The following SNTB1 variants were observed in gnomAD, a reference collection of about 807,000 sequenced individuals.
The protein encoded by SNTB1 is syntrophin beta 1.
A neutral mutation model predicts 48.9 loss-of-function variants in SNTB1; 36 were observed. That is an observed-to-expected ratio of 0.74 (90% CI 0.56 to 0.97). SNTB1 has a LOEUF of 0.97. Among genes scored for constraint, SNTB1 ranks in the 50% least tolerant of loss-of-function variants. The pLI is 0.00. For missense variants in SNTB1, 786 were observed against 703.4 expected (o/e 1.12, Z -1.33); for synonymous variants, 299 against 294.6 (o/e 1.01, Z -0.15).
chr8:120,704,874 A>T (rs1367885937), intron 1 of SNTB1, among the ~76,000 whole-genome samples: 1 of 152,238 alleles, frequency 6.6e-6, no homozygotes, highest in African/African-American at 2.4e-5. Context: ...AAATCTCTGT[A>T]ACATGTAGGA....
chr8:120,548,419 G>C (rs117836396), intron 5 of SNTB1, among the ~76,000 whole-genome samples: 2 of 152,000 alleles, frequency 1.3e-5, no homozygotes, highest in African/African-American at 2.4e-5. Context: ...TAGATTACTC[G>C]GAATCAGTTT....
At chr8:120,781,724 G>A (rs1819832917) in intron 1 of SNTB1, among the ~76,000 whole-genome samples, 2 of 152,166 alleles carry the variant, frequency 1.3e-5, no homozygotes, top group South Asian at 4.1e-4. Flanking sequence ...GGAATTTTCA[G>A]ATGATTCTAT....
chr8:120,719,909 G>A (rs570869930), intron 1 of SNTB1, among the ~76,000 whole-genome samples: 39 of 152,260 alleles, frequency 2.6e-4, no homozygotes, highest in African/African-American at 7.5e-4. Context: ...CATGAATGGC[G>A]GGCAAGGCTC....
chr8:120,668,090 T>C lies in SNTB1; in HGVS notation c.788+25602A>G, dbSNP rs935035306. 3.3e-5 allele frequency among the ~76,000 whole-genome samples: 5 copies of C among 152,338 alleles called. No individual in the cohort carries two copies. In the East Asian group the frequency reaches 9.6e-4, roughly 29 times the overall value. ...ACCCTTTTCAAAATCTCCAGGATTC[T>C]CTGTGTAGTTCTCTCCTTACTGGTA... On this transcript the variant is annotated intron_variant, in intron 2 of 6. Coordinates refer to ENST00000517992, the MANE Select transcript of SNTB1 (RefSeq NM_021021.4).
At chr8:120,656,688 C>A (rs1817508684) in intron 2 of SNTB1, among the ~76,000 whole-genome samples, 1 of 152,182 alleles carries the variant, frequency 6.6e-6, no homozygotes, top group Admixed American at 6.5e-5. Flanking sequence ...CATTTAGAGT[C>A]TGAGGGCCTA....
At chr8:120,553,141 T>C (rs970052368) in intron 4 of SNTB1, among the ~76,000 whole-genome samples, 1 of 152,236 alleles carries the variant, frequency 6.6e-6, no homozygotes, top group African/African-American at 2.4e-5. Context: ...GGCCTGGGTC[T>C]TGGGGACTCC....
At chr8:120,678,546 A>G (rs946760216) in intron 2 of SNTB1, among the ~76,000 whole-genome samples, 1 of 152,218 alleles carries the variant, frequency 6.6e-6, no homozygotes, top group African/African-American at 2.4e-5. Context: ...TATCCAGCTC[A>G]TATCACAGTG....
intron 1 of SNTB1, among the ~76,000 whole-genome samples, chr8:120,740,306 C>T (rs1465170230): frequency 1.3e-5 from 2 of 152,214 alleles, no homozygotes; most frequent in East Asian, 3.8e-4. Flanking sequence ...CCTCCATCAC[C>T]TTGGCATCTT....
At chr8:120,569,755 C>G (rs918494067) in intron 4 of SNTB1, among the ~76,000 whole-genome samples, 1 of 152,220 alleles carries the variant, frequency 6.6e-6, no homozygotes, top group East Asian at 1.9e-4. Context: ...ATGGTAGTCA[C>G]TAGCCACAGG....
At chr8:120,646,600 C>T (rs1396375584) in intron 2 of SNTB1, among the ~76,000 whole-genome samples, 1 of 151,902 alleles carries the variant, frequency 6.6e-6, no homozygotes, top group African/African-American at 2.4e-5. Flanking sequence ...CATTAATGTT[C>T]ATCAAGGATA....
chr8:120,601,058 G>T (rs1554647070), intron 3 of SNTB1, among the ~76,000 whole-genome samples: 3 of 152,216 alleles, frequency 2.0e-5, no homozygotes, highest in Non-Finnish European at 4.4e-5. Flanking sequence ...AGACAAAGAG[G>T]AAGGCAAGGC....
chr8:120,734,670 G>T (rs2129986557), intron 1 of SNTB1, among the ~76,000 whole-genome samples: 1 of 152,228 alleles, frequency 6.6e-6, no homozygotes, highest in East Asian at 1.9e-4. Context: ...TCAATCTAGG[G>T]TTTACCCCAG....
intron 4 of SNTB1, among the ~76,000 whole-genome samples, chr8:120,549,354 T>TC (rs1334805418): frequency 3.3e-5 from 5 of 152,216 alleles, no homozygotes; most frequent in Admixed American, 1.3e-4. Context: ...TAGGCTTCAC[T>TC]CCCCTGTGTC....
intron 2 of SNTB1, among the ~76,000 whole-genome samples, chr8:120,689,419 T>C (rs1024687388): frequency 6.6e-6 from 1 of 150,482 alleles, no homozygotes; most frequent in East Asian, 2.0e-4. Flanking sequence ...TAGGCTTGGG[T>C]TTGAATCCGA....
intron 1 of SNTB1, among the ~76,000 whole-genome samples, chr8:120,804,178 CCTT>C (rs756217941): frequency 1.3e-5 from 2 of 151,968 alleles, no homozygotes; most frequent in Non-Finnish European, 2.9e-5. Flanking sequence ...TCCCTTTCCT[CCTT>C]CTTTTCTTTC....
chr8:120,717,479 T>C (rs1014533820), intron 1 of SNTB1, among the ~76,000 whole-genome samples: 6 of 152,266 alleles, frequency 3.9e-5, no homozygotes, highest in African/African-American at 1.4e-4. Flanking sequence ...GTTGTTGTTT[T>C]GTTCCAACTT....
chr8:120,721,625 G>T (rs1286198750), intron 1 of SNTB1, among the ~76,000 whole-genome samples: 1 of 151,764 alleles, frequency 6.6e-6, no homozygotes, highest in African/African-American at 2.4e-5. Flanking sequence ...TAACCATAAT[G>T]CCATTTTTTA....
At position 120,572,124 on chromosome 8, in the gene SNTB1, C is replaced by T. The variant is rs574176459; in HGVS notation, c.1136+2962G>A. Among the ~76,000 whole-genome samples the T allele has an allele frequency of 1.2e-4, 18 of 152,300 alleles. No homozygotes were observed. The South Asian group carries it at 3.7e-3, about 32-fold the overall frequency. ...TCTTGTGTTAATTCTTGCTCTGCTACTGGGTCTCATTCTCCTCCTTGCAGC... is the reference window on the plus strand; with the variant it reads ...TCTTGTGTTAATTCTTGCTCTGCTATTGGGTCTCATTCTCCTCCTTGCAGC... On this transcript the variant is annotated intron_variant, in intron 4 of 6. Coordinates refer to ENST00000517992, the MANE Select transcript of SNTB1 (RefSeq NM_021021.4).
chr8:120,782,485 C>T (rs1010831684), intron 1 of SNTB1, among the ~76,000 whole-genome samples: 1 of 152,004 alleles, frequency 6.6e-6, no homozygotes, highest in African/African-American at 2.4e-5. Flanking sequence ...TTAGAGATTT[C>T]CTGCACATTT....
Sources: allele counts gnomAD v4.1 joint callset (sites outside exome capture counted in the v4.1 genomes callset), GRCh38; gene constraint gnomAD v4.1.1; transcripts MANE v1.5; gene names NCBI Gene and HGNC (gene_info 2026-07-23, HGNC 2026-07-21).